LSAMP: variants seen among roughly 807,000 people sequenced by gnomAD.
LSAMP encodes the protein limbic system-associated membrane protein.
Under a neutral mutation model 38.6 loss-of-function variants are expected in LSAMP, and 7 were observed. That is an observed-to-expected ratio of 0.18 (90% CI 0.10 to 0.34). The LOEUF (loss-of-function observed/expected upper bound fraction) is 0.34, where lower values mean the gene tolerates loss of function less well. Among genes scored for constraint, LSAMP ranks in the 10% least tolerant of loss-of-function variants. LSAMP has a pLI of 1.00. For synonymous variants in LSAMP, 154 were observed against 166.8 expected, an observed-to-expected ratio of 0.92 and a Z score of 0.59; for missense variants, 313 against 420.0, an observed-to-expected ratio of 0.75 and a Z score of 2.23.
intron 1 of LSAMP, among the ~76,000 whole-genome samples, chr3:116,108,711 G>A (rs371038356): frequency 4.0e-4 from 61 of 152,296 alleles, no homozygotes; most frequent in East Asian, 3.3e-3. Flanking sequence ...GAGATGGGAC[G>A]TGGCTTAGGA....
At chr3:115,855,762 C>T (rs574627461) in intron 3 of LSAMP, among the ~76,000 whole-genome samples, 75 of 152,282 alleles carry the variant, frequency 4.9e-4, no homozygotes, top group African/African-American at 1.7e-3. Context: ...TGCTCTCAAC[C>T]CAAGGGTCCT....
chr3:116,312,965 A>C (rs2047577959), intron 1 of LSAMP, among the ~76,000 whole-genome samples: 1 of 151,992 alleles, frequency 6.6e-6, no homozygotes, highest in Non-Finnish European at 1.5e-5. Flanking sequence ...GTCATTCCTC[A>C]CCTTATTTTT....
At position 115,811,146 on chromosome 3, in the gene LSAMP, T is replaced by C. The variant is rs555522241; in HGVS notation, c.920-732A>G. Among the ~76,000 whole-genome samples the C allele has an allele frequency of 5.3e-5, 8 of 152,230 alleles. No homozygotes were observed. In the East Asian group the frequency reaches 1.4e-3, roughly 26 times the overall value. On this transcript the variant is annotated intron_variant, in intron 6 of 6. Transcript: ENST00000490035. Reference sequence around the variant, plus strand: ...GGCAGGTCCAAACCATGAGCAGAACTGAGATTTGAACTCACCCAGATTAAC... The same window carrying C: ...GGCAGGTCCAAACCATGAGCAGAACCGAGATTTGAACTCACCCAGATTAAC...
chr3:116,443,950 G>T (rs1157056725), intron 1 of LSAMP, among the ~76,000 whole-genome samples: 1 of 152,090 alleles, frequency 6.6e-6, no homozygotes, highest in Admixed American at 6.5e-5. Context: ...ATATGACTAG[G>T]TCTCATTTGA....
At chr3:116,390,575 G>A (rs1483968564) in intron 1 of LSAMP, among the ~76,000 whole-genome samples, 2 of 151,758 alleles carry the variant, frequency 1.3e-5, no homozygotes, top group Non-Finnish European at 2.9e-5. Flanking sequence ...GAAAAGGCAA[G>A]GACCATTAGC....
chr3:115,814,253 T>C (rs1933936045), intron 6 of LSAMP: 1 of 152,144 alleles, frequency 6.6e-6, no homozygotes, highest in South Asian at 2.1e-4. Context: ...AAATCATAAG[T>C]CAACATGCCA....
intron 2 of LSAMP, among the ~76,000 whole-genome samples, chr3:116,076,281 G>A (rs1332602621): frequency 5.3e-5 from 8 of 151,686 alleles, no homozygotes; most frequent in Non-Finnish European, 7.4e-5. Flanking sequence ...AATTTGAGAC[G>A]GAGTCTCGCT....
chr3:115,819,270 T>C (rs1035394196), intron 6 of LSAMP, among the ~76,000 whole-genome samples: 7 of 151,884 alleles, frequency 4.6e-5, no homozygotes, highest in Admixed American at 4.6e-4. Context: ...CCGTCTCTAC[T>C]AAAAATACAA....
At chr3:116,132,238 CAAAA>C (rs71141854) in intron 1 of LSAMP, among the ~76,000 whole-genome samples, 3 of 145,810 alleles carry the variant, frequency 2.1e-5, no homozygotes, top group Non-Finnish European at 1.5e-5. Context: ...ATAGAACTAT[CAAAA>C]AAAAAAAAAA....
intron 3 of LSAMP, among the ~76,000 whole-genome samples, chr3:115,869,301 A>AGACT (rs1288087998): frequency 1.3e-5 from 2 of 151,452 alleles, no homozygotes; most frequent in African/African-American, 4.9e-5. Flanking sequence ...AGAGAGAGAG[A>AGACT]GACTGACTGA....
Position 116,225,753 on chromosome 3 carries a change from GTT to G in LSAMP, c.156-139199_156-139198del, listed in dbSNP as rs5852000. Among the ~76,000 whole-genome samples the G allele has an allele frequency of 1.6e-4, 23 of 146,818 alleles. No individual in the cohort carries two copies. The East Asian group carries it at 1.6e-3, about 10-fold the overall frequency. ...ATATTTGGGTATTTAGTATATTATT[GTT>G]TTTTTTTTTTCTGTGCAATTAAAAG... On this transcript the variant is annotated intron_variant, in intron 1 of 6. Coordinates refer to ENST00000490035, the MANE Select transcript of LSAMP (RefSeq NM_002338.5).
At chr3:116,437,660 A>AGGGAGAGAAGGGAAG (rs1193776807) in intron 1 of LSAMP, among the ~76,000 whole-genome samples, 13 of 151,616 alleles carry the variant, frequency 8.6e-5, no homozygotes, top group African/African-American at 2.4e-4. Context: ...GGGAGGAGGA[A>AGGGAGAGAAGGGAAG]GGGAGAGAAG....
intron 1 of LSAMP, among the ~76,000 whole-genome samples, chr3:116,113,363 G>A (rs4831230): frequency 0.27 from 38,684 of 143,528 alleles, 6,867 homozygotes; most frequent in African/African-American, 0.51. Context: ...AATGATGTTC[G>A]GTAGAGAAGT....
rs550986194 is a variant in LSAMP, at chr3:115,978,381, A to G, written c.514+41134T>C. On this transcript the variant is annotated intron_variant, in intron 3 of 6. Transcript: ENST00000490035. ...CCTCATTTACAGGTAAGGAAACTCAAGGTAAATGAGGCTAAGTTACCTGTT... is the reference window on the plus strand; with the variant it reads ...CCTCATTTACAGGTAAGGAAACTCAGGGTAAATGAGGCTAAGTTACCTGTT... Among the ~76,000 whole-genome samples the G allele has an allele frequency of 2.0e-5, 3 of 152,288 alleles. No individual in the cohort carries two copies. In the East Asian group the frequency reaches 5.8e-4, roughly 29 times the overall value.
intron 1 of LSAMP, among the ~76,000 whole-genome samples, chr3:116,291,186 G>A (rs900685916): frequency 1.4e-4 from 22 of 152,048 alleles, no homozygotes; most frequent in African/African-American, 4.8e-4. Flanking sequence ...ATAAATCTGT[G>A]CCTTTCTAAT....
chr3:116,434,300 G>A lies in LSAMP; in HGVS notation c.155+10577C>T, dbSNP rs889479208. ...GGCAAATATTTATTTGAGCATCCACGGGTACTGAGCTAAATTCTGGGATGA... is the reference window on the plus strand; with the variant it reads ...GGCAAATATTTATTTGAGCATCCACAGGTACTGAGCTAAATTCTGGGATGA... On this transcript the variant is annotated intron_variant, in intron 1 of 6. Transcript: ENST00000490035. Among the ~76,000 whole-genome samples, 27 of 152,130 alleles carry A rather than the reference G, an allele frequency of 1.8e-4. 1 individual carries two copies. Among genetic ancestry groups the A allele is most frequent in the African/African-American group, 6.0e-4 (25 of 41,414 alleles).
intron 6 of LSAMP, among the ~76,000 whole-genome samples, chr3:115,818,175 G>GT (rs1322411026): frequency 6.6e-6 from 1 of 152,136 alleles, no homozygotes; most frequent in African/African-American, 2.4e-5. Context: ...GACTCAAGAG[G>GT]TATCACTGGG....
intron 1 of LSAMP, among the ~76,000 whole-genome samples, chr3:116,090,024 A>AT (rs927995187): frequency 6.6e-5 from 10 of 151,100 alleles, no homozygotes; most frequent in African/African-American, 1.9e-4. Context: ...GGTGGCACCT[A>AT]TTTTTTTTAA....
intron 3 of LSAMP, among the ~76,000 whole-genome samples, chr3:115,967,930 C>A (rs923363651): frequency 1.3e-5 from 2 of 152,084 alleles, no homozygotes; most frequent in African/African-American, 4.8e-5. Context: ...AACCACATCA[C>A]CTCCCTTTTT....
Sources: allele counts gnomAD v4.1 joint callset (sites outside exome capture counted in the v4.1 genomes callset), GRCh38; gene constraint gnomAD v4.1.1; transcripts MANE v1.5; gene names NCBI Gene and HGNC (gene_info 2026-07-23, HGNC 2026-07-21).